MYO3B: variants seen among roughly 807,000 people sequenced by gnomAD.
The protein encoded by MYO3B is myosin-IIIb.
In MYO3B, 156 loss-of-function variants were observed where a neutral mutation model predicts 174.6. That is an observed-to-expected ratio of 0.89 (90% CI 0.78 to 1.02). The LOEUF (loss-of-function observed/expected upper bound fraction) is 1.02. MYO3B is among the 50% of genes least tolerant of loss of function. The probability of loss-of-function intolerance (pLI) is 0.00; values close to 1 mark genes in which losing one functional copy is unlikely to be tolerated. For missense variants in MYO3B, 1,632 were observed against 1,639.4 expected (o/e 1.00, Z 0.08); for synonymous variants, 563 against 569.1 (o/e 0.99, Z 0.15).
intron 1 of MYO3B, among the ~76,000 whole-genome samples, chr2:170,198,532 T>C (rs760832001): frequency 6.6e-6 from 1 of 152,214 alleles, no homozygotes; most frequent in Non-Finnish European, 1.5e-5. Context: ...TTGATTTTCC[T>C]TCTACCATTC....
chr2:170,375,919 A>G (rs1177952245), intron 9 of MYO3B, among the ~76,000 whole-genome samples: 1 of 152,198 alleles, frequency 6.6e-6, no homozygotes, highest in Admixed American at 6.5e-5. Flanking sequence ...AGTATCTGCT[A>G]TCTATCTATA....
chr2:170,278,315 G>A (rs1407899287), intron 7 of MYO3B, among the ~76,000 whole-genome samples: 1 of 152,106 alleles, frequency 6.6e-6, no homozygotes, highest in African/African-American at 2.4e-5. Context: ...ATTATATTCA[G>A]AATTCTTTCT....
intron 6 of MYO3B, among the ~76,000 whole-genome samples, chr2:170,226,083 G>A (rs1255915506): frequency 6.6e-6 from 1 of 152,166 alleles, no homozygotes; most frequent in African/African-American, 2.4e-5. Context: ...CAATGAGGGT[G>A]GGATCTCACC....
chr2:170,388,641 A>T (rs1240232149), intron 14 of MYO3B, among the ~76,000 whole-genome samples: 24 of 152,104 alleles, frequency 1.6e-4, no homozygotes, highest in Non-Finnish European at 2.9e-5. Flanking sequence ...TGGGGAATGG[A>T]TTGGGGGAGA....
At chr2:170,414,660 TGAA>T (rs2094566951) in intron 22 of MYO3B, among the ~76,000 whole-genome samples, 2 of 152,218 alleles carry the variant, frequency 1.3e-5, no homozygotes, top group African/African-American at 4.8e-5. Flanking sequence ...AATCTACAGA[TGAA>T]TTTAGGAAGA....
chr2:170,489,216 A>G (rs916325127), intron 25 of MYO3B, among the ~76,000 whole-genome samples: 5 of 152,338 alleles, frequency 3.3e-5, no homozygotes, highest in African/African-American at 1.2e-4. Context: ...GTACAAAGAA[A>G]GAGTTTTTTA....
At chr2:170,209,831 A>C (rs1345147122) in intron 3 of MYO3B, among the ~76,000 whole-genome samples, 1 of 152,194 alleles carries the variant, frequency 6.6e-6, no homozygotes, top group Non-Finnish European at 1.5e-5. Flanking sequence ...AACACATATT[A>C]ATATTATTCA....
intron 27 of MYO3B, among the ~76,000 whole-genome samples, chr2:170,500,840 G>A (rs1002624505): frequency 2.0e-5 from 3 of 152,200 alleles, no homozygotes; most frequent in African/African-American, 7.2e-5. Context: ...CAAGGGAAGA[G>A]GTTGCTAATC....
intron 7 of MYO3B, among the ~76,000 whole-genome samples, chr2:170,261,617 T>C (rs577913293): frequency 6.6e-6 from 1 of 152,338 alleles, no homozygotes; most frequent in Non-Finnish European, 1.5e-5. Flanking sequence ...ATGATATGTG[T>C]GCTAAGTGGC....
intron 22 of MYO3B, 118 bp downstream of exon 22, chr2:170,407,962 C>A: frequency 8.1e-7 from 1 of 1,231,354 alleles, no homozygotes; most frequent in Non-Finnish European, 1.2e-6. Flanking sequence ...CTTCTTTAAG[C>A]AGGAGTAAGG....
At chr2:170,639,251 A>G (rs1697769840) in intron 32 of MYO3B, among the ~76,000 whole-genome samples, 2 of 152,186 alleles carry the variant, frequency 1.3e-5, no homozygotes, top group African/African-American at 4.8e-5. Flanking sequence ...TCCAGAAGTG[A>G]CATCTCCCAG....
chr2:170,526,576 G>C (rs1344074366), intron 30 of MYO3B, among the ~76,000 whole-genome samples: 1 of 152,246 alleles, frequency 6.6e-6, no homozygotes, highest in East Asian at 1.9e-4. Context: ...TTGGGTTCAG[G>C]AGTCACCCTT....
chr2:170,219,381 T>C (rs923925569), intron 6 of MYO3B, among the ~76,000 whole-genome samples: 1 of 152,178 alleles, frequency 6.6e-6, no homozygotes, highest in African/African-American at 2.4e-5. Flanking sequence ...CGGTGGCTCA[T>C]GCCTGTAATC....
intron 1 of MYO3B, among the ~76,000 whole-genome samples, chr2:170,183,283 A>G (rs2092425983): frequency 6.6e-6 from 1 of 152,092 alleles, no homozygotes; most frequent in African/African-American, 2.4e-5. Context: ...TTACTTTCAG[A>G]CTAAATTTAG....
At chr2:170,313,660 A>C (rs1439570333) in intron 7 of MYO3B, among the ~76,000 whole-genome samples, 1 of 152,162 alleles carries the variant, frequency 6.6e-6, no homozygotes, top group African/African-American at 2.4e-5. Context: ...CTTTGAGAAT[A>C]TCCTGAATTC....
chr2:170,202,310 C>T (rs2092670617), intron 3 of MYO3B, among the ~76,000 whole-genome samples: 1 of 152,146 alleles, frequency 6.6e-6, no homozygotes, highest in Admixed American at 6.6e-5. Flanking sequence ...TGTTTTGGTC[C>T]ATGCCAAAGT....
intron 32 of MYO3B, among the ~76,000 whole-genome samples, chr2:170,569,126 T>C (rs907624440): frequency 2.0e-5 from 3 of 151,770 alleles, no homozygotes; most frequent in Non-Finnish European, 4.4e-5. Context: ...GTTTTTCTTT[T>C]ATTAACCATC....
chr2:170,380,640 A>G (rs2094328526), intron 9 of MYO3B, among the ~76,000 whole-genome samples: 1 of 152,222 alleles, frequency 6.6e-6, no homozygotes, highest in African/African-American at 2.4e-5. Context: ...TTAAAGAGCT[A>G]TATTTTAGTA....
At chr2:170,424,616 AAG>A (rs915949823) in intron 22 of MYO3B, among the ~76,000 whole-genome samples, 1 of 152,204 alleles carries the variant, frequency 6.6e-6, no homozygotes, top group Admixed American at 6.5e-5. Context: ...CTCAAAAAAA[AAG>A]AGAAAAAGAA....
Sources: gnomAD v4.1 joint callset for allele counts (sites outside exome capture counted in the v4.1 genomes callset) on GRCh38, gnomAD v4.1.1 for gene constraint, MANE v1.5 for transcripts, NCBI Gene and HGNC (gene_info 2026-07-23, HGNC 2026-07-21) for gene names.